AFF1: variants seen among roughly 807,000 people sequenced by gnomAD.
AFF1 encodes AF4/FMR2 family member 1.
Under a neutral mutation model 121.7 loss-of-function variants are expected in AFF1, and 48 were observed. That is an observed-to-expected ratio of 0.39 (90% confidence interval 0.31 to 0.50). The LOEUF (loss-of-function observed/expected upper bound fraction) is 0.50. Among genes scored for constraint, AFF1 ranks in the 20% least tolerant of loss-of-function variants. The probability of loss-of-function intolerance (pLI) is 0.76; values close to 1 mark genes in which losing one functional copy is unlikely to be tolerated. For synonymous variants in AFF1, 613 were observed against 563.0 expected (o/e 1.09, Z -1.26); for missense variants, 1,523 against 1,511.7 (o/e 1.01, Z -0.12).
chr4:87,094,853 C>G, intron 7 of AFF1, 62 bp from the exon 8 acceptor site: 1 of 1,545,534 alleles, frequency 6.5e-7, no homozygotes. Flanking sequence ...TAAAAGAACT[C>G]ACAACTAAGG....
intron 1 of AFF1, among the ~76,000 whole-genome samples, chr4:86,943,137 A>G (rs1165929758): frequency 6.6e-6 from 1 of 152,230 alleles, no homozygotes; most frequent in African/African-American, 2.4e-5. Context: ...TGGGATGTGT[A>G]CTTGAGTGTA....
At chr4:87,080,762 T>C (rs1040506998) in intron 4 of AFF1, among the ~76,000 whole-genome samples, 3 of 152,238 alleles carry the variant, frequency 2.0e-5, no homozygotes, top group Non-Finnish European at 2.9e-5. Flanking sequence ...AGTTGCACTT[T>C]ATGAGACGAG....
At chr4:87,011,063 A>G (rs1277241095) in intron 2 of AFF1, among the ~76,000 whole-genome samples, 1 of 133,510 alleles carries the variant, frequency 7.5e-6, no homozygotes. Flanking sequence ...TGGGTGACAG[A>G]GTGAGACTCC....
chr4:87,002,940 G>C (rs1190020347), intron 2 of AFF1, among the ~76,000 whole-genome samples: 1 of 152,184 alleles, frequency 6.6e-6, no homozygotes. Context: ...GGTTAAGAAT[G>C]CCTTTTTGTT....
intron 2 of AFF1, among the ~76,000 whole-genome samples, chr4:87,006,812 G>T (rs1343611019): frequency 2.0e-5 from 3 of 152,208 alleles, no homozygotes; most frequent in African/African-American, 4.8e-5. Flanking sequence ...CCGGGGACCA[G>T]CAGGGCTTGT....
intron 4 of AFF1, among the ~76,000 whole-genome samples, chr4:87,073,981 G>A (rs1391166161): frequency 1.3e-5 from 2 of 150,934 alleles, no homozygotes; most frequent in Admixed American, 6.6e-5. Context: ...GTGTGTGCAC[G>A]TGCGTGTGTG....
At chr4:87,085,636 CAGT>C (rs1723649292) in intron 5 of AFF1, among the ~76,000 whole-genome samples, 1 of 151,976 alleles carries the variant, frequency 6.6e-6, no homozygotes, top group South Asian at 2.1e-4. Flanking sequence ...AAATTTTTGA[CAGT>C]AGTAGTATCT....
intron 4 of AFF1, chr4:87,049,601 C>T: frequency 2.2e-6 from 1 of 446,936 alleles, no homozygotes; most frequent in Admixed American, 2.4e-5. Context: ...ACCAGTGCAT[C>T]TGCTGTCAAC....
intron 16 of AFF1, among the ~76,000 whole-genome samples, chr4:87,129,699 AAT>A (rs1728626797): frequency 6.6e-6 from 1 of 152,230 alleles, no homozygotes; most frequent in Non-Finnish European, 1.5e-5. Flanking sequence ...TAAAATAAAA[AAT>A]GTTAGAATAA....
Position 86,988,801 on chromosome 4 carries a change from C to T in AFF1, c.38+40230C>T, listed in dbSNP as rs188511268. Among the ~76,000 whole-genome samples, 46 of 152,260 alleles carry T rather than the reference C, an allele frequency of 3.0e-4. 2 individuals carry two copies. The highest frequency in any genetic ancestry group is 1.6e-3 in the Admixed American group (25 of 15,288). On this transcript the variant is annotated intron_variant, in intron 2 of 20. Coordinates refer to ENST00000395146, the MANE Select transcript of AFF1 (RefSeq NM_001166693.3). ...GACTTCAAACTATACTACAAGGCTA[C>T]GGTAACCAAAACAGCATGATTCTGG...
intron 4 of AFF1, among the ~76,000 whole-genome samples, chr4:87,050,405 T>C (rs914708145): frequency 1.3e-5 from 2 of 152,238 alleles, no homozygotes; most frequent in African/African-American, 4.8e-5. Flanking sequence ...ATAGTGATTT[T>C]ACAAATGAAC....
chr4:86,991,427 A>G (rs1433524002), intron 2 of AFF1, among the ~76,000 whole-genome samples: 1 of 146,038 alleles, frequency 6.8e-6, no homozygotes, highest in Non-Finnish European at 1.5e-5. Flanking sequence ...CCTGGGCGAC[A>G]GAGTGAGACT....
In AFF1 at chr4:86,999,112, C is replaced by T. The variant is rs182668485; in HGVS notation, c.39-47054C>T. Among the ~76,000 whole-genome samples, 165 of 152,346 alleles carry T rather than the reference C, an allele frequency of 1.1e-3. 2 individuals carry two copies. Among genetic ancestry groups the T allele is most frequent in the Admixed American group, 9.7e-3 (149 of 15,306 alleles). ...TGAAAGGCATCACTACTCCTTCGCA[C>T]TCACTGGTGTTTGCTATTCAACAAA... is the stretch of plus-strand genomic sequence containing the variant. On this transcript the variant is annotated intron_variant, in intron 2 of 20. Transcript: ENST00000395146.
At chr4:87,025,792 A>G (rs1728474210) in intron 2 of AFF1, among the ~76,000 whole-genome samples, 1 of 152,196 alleles carries the variant, frequency 6.6e-6, no homozygotes, top group African/African-American at 2.4e-5. Flanking sequence ...GGTTTCGCCT[A>G]GTTCCTATGC....
At chr4:87,078,678 T>C (rs533469696) in intron 4 of AFF1, among the ~76,000 whole-genome samples, 1 of 152,318 alleles carries the variant, frequency 6.6e-6, no homozygotes, top group Admixed American at 6.5e-5. Flanking sequence ...AAAGTGTGAC[T>C]TATCTAACTA....
rs1173077873 is a variant in AFF1 at position 87,137,137 on chromosome 4, G to T, written c.*1436G>T. The T allele has an allele frequency of 4.4e-6, 1 of 226,698 alleles. No homozygotes were observed. The highest frequency in any genetic ancestry group is 1.8e-4 in the South Asian group (1 of 5,466). 14.0% of individuals were successfully genotyped at this position (226,698 alleles called of 1,614,324 possible). ...TTGGAAACATTACTTTGAGTGCAGT[G>T]TTTTTAAAAGCCAATTCTTTTTTAT... is the stretch of plus-strand genomic sequence containing the variant. On this transcript the variant is annotated 3_prime_UTR_variant, in exon 21 of 21. Transcript: ENST00000395146.
intron 1 of AFF1, among the ~76,000 whole-genome samples, chr4:86,940,094 G>T (rs1444218094): frequency 2.0e-5 from 3 of 152,158 alleles, no homozygotes; most frequent in African/African-American, 7.2e-5. Flanking sequence ...AGAGGCGAAA[G>T]GATCATTTGA....
chr4:87,035,766 G>A (rs1355951597), intron 2 of AFF1, among the ~76,000 whole-genome samples: 1 of 152,136 alleles, frequency 6.6e-6, no homozygotes, highest in African/African-American at 2.4e-5. Flanking sequence ...TTTGAATGTT[G>A]GATGCTTCAT....
intron 8 of AFF1, 92 bp downstream of exon 8, chr4:87,095,061 G>T (rs1051919054): frequency 8.3e-7 from 1 of 1,211,368 alleles, no homozygotes; most frequent in Non-Finnish European, 1.2e-6. Flanking sequence ...CTGCCTTTAT[G>T]TAATGACATT....
Sources: allele counts gnomAD v4.1 joint callset (sites outside exome capture counted in the v4.1 genomes callset), GRCh38; gene constraint gnomAD v4.1.1; transcripts MANE v1.5; gene names NCBI Gene and HGNC (gene_info 2026-07-23, HGNC 2026-07-21).